IMMP2L: variants seen among roughly 807,000 people sequenced by gnomAD.
IMMP2L encodes inner mitochondrial membrane peptidase subunit 2.
IMMP2L carries 18 observed loss-of-function variants against 19.3 expected under a neutral mutation model. The observed-to-expected ratio is 0.93, with a 90% CI of 0.64 to 1.38. The LOEUF is 1.38. Ranked by LOEUF, IMMP2L falls within the 40% of genes most tolerant of loss-of-function variation. The probability of loss-of-function intolerance (pLI) is 0.00; values close to 1 mark genes in which losing one functional copy is unlikely to be tolerated. For missense variants in IMMP2L, 233 were observed against 218.2 expected, an observed-to-expected ratio of 1.07 and a Z score of -0.43; for synonymous variants, 76 against 73.0, an observed-to-expected ratio of 1.04 and a Z score of -0.21.
chr7:111,195,841 T>C (rs1562912501), intron 3 of IMMP2L, among the ~76,000 whole-genome samples: 2 of 2,284 alleles, frequency 8.8e-4, no homozygotes, highest in Non-Finnish European at 1.9e-3. Flanking sequence ...TCATTTCATT[T>C]CATTTCATTT....
intron 3 of IMMP2L, among the ~76,000 whole-genome samples, chr7:110,990,419 A>G (rs1280903019): frequency 1.3e-5 from 2 of 152,074 alleles, no homozygotes; most frequent in African/African-American, 4.8e-5. Flanking sequence ...AACATTTATC[A>G]CCCCTGCTGT....
rs139450968 is a variant in IMMP2L at position 111,308,732 on chromosome 7, T to C, written c.239+178506A>G. 3.6e-4 allele frequency among the ~76,000 whole-genome samples: 55 copies of C among 152,074 alleles called. 2 individuals are homozygous for C. The highest frequency in any genetic ancestry group is 2.3e-3 in the South Asian group (11 of 4,820). The stretch of plus-strand genomic sequence containing the variant: ...AATAAAAAATTCTCAGGAGAAATTT[T>C]GGGGGAAAAAAAGATGTATTCTTCA... On this transcript the variant is annotated intron_variant, in intron 3 of 5. Coordinates refer to ENST00000405709, the MANE Select transcript of IMMP2L (RefSeq NM_032549.4).
chr7:111,098,806 C>T (rs1016371274), intron 3 of IMMP2L, among the ~76,000 whole-genome samples: 6 of 151,676 alleles, frequency 4.0e-5, no homozygotes, highest in African/African-American at 9.7e-5. Flanking sequence ...TTAGTTAGCT[C>T]GAAAGAACAA....
chr7:111,182,429 G>A (rs992098874), intron 3 of IMMP2L, among the ~76,000 whole-genome samples: 3 of 151,820 alleles, frequency 2.0e-5, no homozygotes, highest in Non-Finnish European at 2.9e-5. Flanking sequence ...CCCAGTCCCC[G>A]AAAACTCCAT....
At chr7:111,368,371 T>C (rs1468389251) in intron 3 of IMMP2L, among the ~76,000 whole-genome samples, 2 of 151,924 alleles carry the variant, frequency 1.3e-5, no homozygotes, top group East Asian at 3.9e-4. Context: ...CTCTGCTCAG[T>C]CCAATGGTAT....
At chr7:111,535,109 A>C (rs561052510) in intron 1 of IMMP2L, among the ~76,000 whole-genome samples, 4 of 152,146 alleles carry the variant, frequency 2.6e-5, no homozygotes, top group Non-Finnish European at 5.9e-5. Flanking sequence ...ACTGGTTTCA[A>C]ATGATCTGTT....
chr7:111,338,214 A>G (rs1826645138), intron 3 of IMMP2L, among the ~76,000 whole-genome samples: 1 of 152,176 alleles, frequency 6.6e-6, no homozygotes, highest in Non-Finnish European at 1.5e-5. Flanking sequence ...TCAGTTTAAC[A>G]GAGGAGAGTG....
At chr7:111,321,494 G>GA (rs575832449) in intron 3 of IMMP2L, among the ~76,000 whole-genome samples, 9 of 150,672 alleles carry the variant, frequency 6.0e-5, no homozygotes, top group Admixed American at 1.3e-4. Context: ...TATTCTCATG[G>GA]AAAAAAAACT....
rs190798524 is a variant in IMMP2L, at chr7:110,867,597, C to T, written c.408+18996G>A. Reference sequence around the variant, plus strand: ...ATGACTATTACCAAGAAAAGTCCCACGTATTTTTTTTTTGATAAGTTTCTG... The same window carrying T: ...ATGACTATTACCAAGAAAAGTCCCATGTATTTTTTTTTTGATAAGTTTCTG... On this transcript the variant is annotated intron_variant, in intron 5 of 5. Transcript: ENST00000405709. Among the ~76,000 whole-genome samples, 28 of 151,956 alleles carry T rather than the reference C, an allele frequency of 1.8e-4. 1 individual carries two copies. Among genetic ancestry groups the T allele is most frequent in the African/African-American group, 5.1e-4 (21 of 41,470 alleles).
chr7:110,687,486 A>C (rs1165989454), intron 5 of IMMP2L, among the ~76,000 whole-genome samples: 2 of 152,110 alleles, frequency 1.3e-5, no homozygotes, highest in Admixed American at 6.6e-5. Flanking sequence ...AAACAAATAA[A>C]AGGTTATAAA....
intron 5 of IMMP2L, among the ~76,000 whole-genome samples, chr7:110,772,610 A>G (rs1411915114): frequency 1.3e-5 from 2 of 152,118 alleles, no homozygotes. Flanking sequence ...ATGCTTCTCT[A>G]ACACCAGTGG....
intron 3 of IMMP2L, among the ~76,000 whole-genome samples, chr7:111,275,390 T>G (rs1717075369): frequency 6.6e-6 from 1 of 152,198 alleles, no homozygotes; most frequent in South Asian, 2.1e-4. Context: ...CTAATGGTTT[T>G]GAACCAGAAT....
chr7:111,355,319 A>C (rs1300391484), intron 3 of IMMP2L, among the ~76,000 whole-genome samples: 1 of 151,848 alleles, frequency 6.6e-6, no homozygotes, highest in Non-Finnish European at 1.5e-5. Context: ...CAGTTTGGTG[A>C]AATATTTTTC....
intron 3 of IMMP2L, among the ~76,000 whole-genome samples, chr7:111,152,793 C>A (rs1402865116): frequency 6.6e-6 from 1 of 152,122 alleles, no homozygotes; most frequent in Non-Finnish European, 1.5e-5. Flanking sequence ...CATCTTCTCA[C>A]TTTCTCTTTT....
rs573000266 is a variant in IMMP2L, at chr7:111,516,491, C to A, written c.135+4822G>T. Among the ~76,000 whole-genome samples, 4 of 152,138 alleles carry A rather than the reference C, an allele frequency of 2.6e-5. No individual in the cohort carries two copies. The East Asian group carries it at 7.7e-4, about 29-fold the overall frequency. Reference sequence around the variant, plus strand: ...GGAGTTCTACGCACTACTCTTGCAACTTTTGTGTAAATCTAAATTTACAAC... The same window carrying A: ...GGAGTTCTACGCACTACTCTTGCAAATTTTGTGTAAATCTAAATTTACAAC... On this transcript the variant is annotated intron_variant, in intron 2 of 5. Coordinates refer to ENST00000405709, the MANE Select transcript of IMMP2L (RefSeq NM_032549.4).
chr7:111,016,693 C>A (rs28639506), intron 3 of IMMP2L, among the ~76,000 whole-genome samples: 19,436 of 97,504 alleles, frequency 0.2, 2,430 homozygotes, highest in African/African-American at 0.38. Context: ...AATTATATTT[C>A]TATATTATAT....
At chr7:111,152,038 C>A (rs1199994544) in intron 3 of IMMP2L, among the ~76,000 whole-genome samples, 1 of 151,928 alleles carries the variant, frequency 6.6e-6, no homozygotes, top group African/African-American at 2.4e-5. Flanking sequence ...ATGACCTTAT[C>A]CATAGATATT....
intron 5 of IMMP2L, among the ~76,000 whole-genome samples, chr7:110,716,533 G>C (rs947466876): frequency 6.6e-6 from 1 of 152,158 alleles, no homozygotes; most frequent in Non-Finnish European, 1.5e-5. Flanking sequence ...TTCTGAAAAA[G>C]ATTTTATTTC....
intron 3 of IMMP2L, among the ~76,000 whole-genome samples, chr7:111,058,241 A>C (rs1793694207): frequency 1.3e-5 from 2 of 152,206 alleles, no homozygotes; most frequent in African/African-American, 4.8e-5. Flanking sequence ...AAGACAATCT[A>C]TTATTATGAG....
Sources: allele counts gnomAD v4.1 joint callset (sites outside exome capture counted in the v4.1 genomes callset), GRCh38; gene constraint gnomAD v4.1.1; transcripts MANE v1.5; gene names NCBI Gene and HGNC (gene_info 2026-07-23, HGNC 2026-07-21).